CNTNAP5: variants seen among roughly 807,000 people sequenced by gnomAD.
The protein encoded by CNTNAP5 is contactin associated protein family member 5.
A neutral mutation model predicts 150.2 loss-of-function variants in CNTNAP5; 72 were observed. The observed-to-expected ratio is 0.48, with a 90% CI of 0.40 to 0.58. CNTNAP5 has a LOEUF of 0.58. Among genes scored for constraint, CNTNAP5 ranks in the 20% least tolerant of loss-of-function variants. CNTNAP5 has a pLI of 0.00. For synonymous variants in CNTNAP5, 672 were observed against 619.8 expected (o/e 1.08, Z -1.25); for missense variants, 1,636 against 1,626.2 (o/e 1.01, Z -0.10).
intron 1 of CNTNAP5, among the ~76,000 whole-genome samples, chr2:124,073,936 TAA>T (rs1254435839): frequency 6.6e-6 from 1 of 152,126 alleles, no homozygotes; most frequent in Non-Finnish European, 1.5e-5. Context: ...GGAAGCAACC[TAA>T]GTGTCTATCA....
At chr2:124,776,813 A>G (rs926278609) in intron 17 of CNTNAP5, among the ~76,000 whole-genome samples, 2 of 152,218 alleles carry the variant, frequency 1.3e-5, no homozygotes, top group African/African-American at 4.8e-5. Context: ...GATAATAATT[A>G]TCATGACATC....
chr2:124,762,310 A>G (rs1680974982), intron 14 of CNTNAP5, among the ~76,000 whole-genome samples: 1 of 152,154 alleles, frequency 6.6e-6, no homozygotes, highest in South Asian at 2.1e-4. Flanking sequence ...ACTTATTCAT[A>G]ATCAAGATGA....
chr2:124,425,525 T>C (rs1428603506), intron 4 of CNTNAP5, among the ~76,000 whole-genome samples: 1 of 152,222 alleles, frequency 6.6e-6, no homozygotes, highest in African/African-American at 2.4e-5. Flanking sequence ...ATCCCCATAG[T>C]GAAACCTTTT....
chr2:124,314,573 C>T (rs1359643163), intron 3 of CNTNAP5, among the ~76,000 whole-genome samples: 1 of 152,074 alleles, frequency 6.6e-6, no homozygotes, highest in African/African-American at 2.4e-5. Flanking sequence ...TCAGGATTCC[C>T]ATCTTGATTA....
At chr2:124,482,713 C>A (rs953542807) in intron 7 of CNTNAP5, among the ~76,000 whole-genome samples, 10 of 152,138 alleles carry the variant, frequency 6.6e-5, no homozygotes, top group African/African-American at 2.4e-4. Flanking sequence ...CAGCGAAGGG[C>A]AGAGTGTGGA....
intron 20 of CNTNAP5, among the ~76,000 whole-genome samples, chr2:124,869,214 C>T (rs13427956): frequency 0.068 from 10,330 of 152,156 alleles, 1,128 homozygotes; most frequent in African/African-American, 0.23. Context: ...CTGCCCACAA[C>T]TAAATGAGAC....
intron 3 of CNTNAP5, among the ~76,000 whole-genome samples, chr2:124,393,001 T>C (rs2104750405): frequency 6.6e-6 from 1 of 152,312 alleles, no homozygotes; most frequent in East Asian, 1.9e-4. Flanking sequence ...TAAACAATTT[T>C]TAACTCTTAT....
intron 1 of CNTNAP5, among the ~76,000 whole-genome samples, chr2:124,176,124 C>A (rs1236058026): frequency 6.6e-6 from 1 of 152,216 alleles, no homozygotes; most frequent in Non-Finnish European, 1.5e-5. Context: ...TCTTTCTCCT[C>A]CTTTCTAATG....
intron 1 of CNTNAP5, among the ~76,000 whole-genome samples, chr2:124,126,210 C>T (rs867256483): frequency 4.6e-5 from 7 of 151,784 alleles, no homozygotes; most frequent in Middle Eastern, 3.4e-3. Flanking sequence ...CAAATAGACG[C>T]AATAAAAAAA....
chr2:124,710,869 A>C lies in CNTNAP5; in HGVS notation c.2078-36360A>C, dbSNP rs532187172. The stretch of plus-strand genomic sequence containing the variant: ...GAAAACCTCTCTTTGGGTGTTCTGG[A>C]AAGTTTTCCACTGCTTCTCTCCTTG... On this transcript the variant is annotated intron_variant, in intron 13 of 23. Coordinates refer to ENST00000682447, the MANE Select transcript of CNTNAP5 (RefSeq NM_001367498.1). 4.6e-5 allele frequency among the ~76,000 whole-genome samples: 7 copies of C among 152,304 alleles called. No homozygotes were observed. The South Asian group carries it at 1.5e-3, about 32-fold the overall frequency.
chr2:124,079,701 G>A (rs865886742), intron 1 of CNTNAP5, among the ~76,000 whole-genome samples: 11 of 152,116 alleles, frequency 7.2e-5, no homozygotes, highest in East Asian at 5.8e-4. Context: ...GTGTATGTGC[G>A]TGTGTATGAG....
intron 8 of CNTNAP5, among the ~76,000 whole-genome samples, chr2:124,510,337 C>CTATATATA (rs1558933371): frequency 2.2e-4 from 1 of 4,634 alleles, no homozygotes; most frequent in Non-Finnish European, 7.9e-4. Flanking sequence ...ATATATATAT[C>CTATATATA]TCCATATGTC....
intron 11 of CNTNAP5, among the ~76,000 whole-genome samples, chr2:124,578,330 CAAAAA>C (rs556025524): frequency 1.8e-5 from 1 of 56,406 alleles, no homozygotes; most frequent in Non-Finnish European, 4.0e-5. Flanking sequence ...GACTTTGTCT[CAAAAA>C]AAAAAAAAAA....
At chr2:124,164,360 G>T (rs909880425) in intron 1 of CNTNAP5, among the ~76,000 whole-genome samples, 2 of 152,118 alleles carry the variant, frequency 1.3e-5, no homozygotes, top group African/African-American at 4.8e-5. Flanking sequence ...ACTCCCCATT[G>T]CTTTCACACC....
intron 4 of CNTNAP5, 116 bp from the exon 5 acceptor site, chr2:124,434,368 C>T: frequency 1.3e-6 from 1 of 790,052 alleles, no homozygotes; most frequent in African/African-American, 1.7e-5. Flanking sequence ...TGAGACTAGA[C>T]CTGGCAGATC....
chr2:124,493,897 T>C (rs1431893259), intron 7 of CNTNAP5, among the ~76,000 whole-genome samples: 5 of 151,856 alleles, frequency 3.3e-5, no homozygotes, highest in Non-Finnish European at 5.9e-5. Flanking sequence ...TATACTTGTA[T>C]GTGAAGTGGA....
chr2:124,128,196 A>G (rs1266999939), intron 1 of CNTNAP5, among the ~76,000 whole-genome samples: 1 of 152,188 alleles, frequency 6.6e-6, no homozygotes, highest in Non-Finnish European at 1.5e-5. Flanking sequence ...TCTACAAAGA[A>G]CTTCAACAAA....
intron 3 of CNTNAP5, among the ~76,000 whole-genome samples, chr2:124,270,724 G>A (rs1314414930): frequency 1.3e-5 from 2 of 151,884 alleles, no homozygotes; most frequent in Non-Finnish European, 2.9e-5. Flanking sequence ...TGTGTTTTAG[G>A]CCAAGACAAA....
chr2:124,479,544 G>C (rs1693718361), intron 7 of CNTNAP5, among the ~76,000 whole-genome samples: 1 of 152,210 alleles, frequency 6.6e-6, no homozygotes, highest in Admixed American at 6.5e-5. Context: ...TCTACTTACA[G>C]AGTTGGCTTT....
Sources: gnomAD v4.1 joint callset for allele counts (sites outside exome capture counted in the v4.1 genomes callset) on GRCh38, gnomAD v4.1.1 for gene constraint, MANE v1.5 for transcripts, NCBI Gene and HGNC (gene_info 2026-07-23, HGNC 2026-07-21) for gene names.